The following ADGRA3 variants were observed in gnomAD, a reference collection of about 807,000 sequenced individuals.
ADGRA3 encodes G-protein coupled receptor 125.
Under a neutral mutation model 119.8 loss-of-function variants are expected in ADGRA3, and 56 were observed. That is an observed-to-expected ratio of 0.47 (90% CI 0.38 to 0.58). ADGRA3 has a LOEUF of 0.58. Ranked by LOEUF, ADGRA3 falls within the 20% of genes least tolerant of loss-of-function variation. The pLI is 0.00. For missense variants in ADGRA3, 1,516 were observed against 1,649.0 expected (o/e 0.92, Z 1.40); for synonymous variants, 607 against 623.8 (o/e 0.97, Z 0.40).
intron 2 of ADGRA3, among the ~76,000 whole-genome samples, chr4:22,470,911 GC>G (rs1197364520): frequency 6.6e-6 from 1 of 152,120 alleles, no homozygotes; most frequent in Non-Finnish European, 1.5e-5. Flanking sequence ...CCTCAGGGCG[GC>G]CCCACCTGAC....
chr4:22,459,969 G>A (rs936097604), intron 3 of ADGRA3, among the ~76,000 whole-genome samples: 5 of 152,078 alleles, frequency 3.3e-5, no homozygotes, highest in African/African-American at 1.2e-4. Flanking sequence ...TGACCGGCCT[G>A]ATCTCCCAAT....
At chr4:22,429,353 A>G (rs1030755596) in intron 10 of ADGRA3, among the ~76,000 whole-genome samples, 1 of 152,210 alleles carries the variant, frequency 6.6e-6, no homozygotes, top group Non-Finnish European at 1.5e-5. Flanking sequence ...ATCTTTGTTA[A>G]TGCATCACTG....
chr4:22,421,497 T>C (rs1159430179), intron 11 of ADGRA3, among the ~76,000 whole-genome samples: 1 of 152,130 alleles, frequency 6.6e-6, no homozygotes, highest in Non-Finnish European at 1.5e-5. Context: ...AGCTAAATAT[T>C]AGTTTGGGAA....
intron 10 of ADGRA3, among the ~76,000 whole-genome samples, chr4:22,428,351 A>AG (rs1560311954): frequency 6.6e-6 from 1 of 151,232 alleles, no homozygotes; most frequent in African/African-American, 2.4e-5. Context: ...TAAAATAAGA[A>AG]AAAAAAAAAG....
At chr4:22,415,446 TCA>T (rs1715390062) in intron 12 of ADGRA3, among the ~76,000 whole-genome samples, 3 of 152,176 alleles carry the variant, frequency 2.0e-5, no homozygotes, top group African/African-American at 7.2e-5. Context: ...CTATTCTCAC[TCA>T]CAAATATAAT....
rs1390160399 is a variant in ADGRA3 at position 22,454,925 on chromosome 4, G to A, written c.414C>T (p.Asn138=). ...LSSLKRLDLT[N]NRIGCLNADI... ...CTGCATTCAGACATCCTATTCGATT[G>A]TTTGTCAGATCCCTAAGGAGAAGGG... The change falls in exon 4 of 19, where the codon AAC becomes AAT. Residue 138 remains asparagine, a synonymous_variant. Transcript: ENST00000334304. 2 of 1,613,226 alleles carry A rather than the reference G, an allele frequency of 1.2e-6. No homozygotes were observed. Among genetic ancestry groups the A allele is most frequent in the Admixed American group, 1.7e-5 (1 of 60,006 alleles).
chr4:22,479,195 G>A (rs1281383232), intron 1 of ADGRA3, among the ~76,000 whole-genome samples: 1 of 152,166 alleles, frequency 6.6e-6, no homozygotes, highest in East Asian at 1.9e-4. Flanking sequence ...TGGGCACGGT[G>A]GCTCACGCCT....
chr4:22,492,584 T>C (rs1718665689), intron 1 of ADGRA3, among the ~76,000 whole-genome samples: 1 of 152,162 alleles, frequency 6.6e-6, no homozygotes, highest in Non-Finnish European at 1.5e-5. Context: ...ACAGAATATG[T>C]TAGCTGTTGA....
At position 22,388,681 on chromosome 4, in the gene ADGRA3, A is replaced by G. The variant is rs1713960503; in HGVS notation, c.2990T>C (p.Leu997Ser). Residue 997 changes from leucine (L) to serine (S), a missense_variant, in exon 19 of 19, where the codon TTG becomes TCG. Around this residue, in one of 2 missense-constraint regions of ADGRA3, gnomAD observed 1,088 missense variants for 1,107.1 expected, o/e 0.98. Transcript: ENST00000334304. ...TAAGAGCAAAGTAAGGCTGGCCCCC[A>G]AGAGCTGAGAATGAAAAGTGTGCTC... Reference protein sequence around the residue: ...ENEHTFHSQLLGASLTLLLYV... With the variant: ...ENEHTFHSQLSGASLTLLLYV... 1.9e-6 allele frequency: 3 copies of G among 1,614,116 alleles called. No individual in the cohort carries two copies. Among genetic ancestry groups the G allele is most frequent in the Non-Finnish European group, 2.5e-6 (3 of 1,180,014 alleles).
In ADGRA3 at chr4:22,392,630, G is replaced by T. The variant is rs1714182212; in HGVS notation, c.2542C>A (p.Arg848=). 1.9e-6 allele frequency: 3 copies of T among 1,613,678 alleles called. No homozygotes were observed. The South Asian group carries it at 3.3e-5, about 18-fold the overall frequency. ...ATVLWVGVTA[R]NIYKQVTKKA... ...TTAGTGACTTGTTTGTAGATATTTC[G>T]AGCTGTCACTCCTACCCATAGTACT... Residue 848 remains arginine, a synonymous_variant, in exon 17 of 19, where the codon CGA becomes AGA. Transcript: ENST00000334304.
chr4:22,496,983 T>C (rs1213311980), intron 1 of ADGRA3, among the ~76,000 whole-genome samples: 8 of 152,164 alleles, frequency 5.3e-5, no homozygotes, highest in Non-Finnish European at 1.5e-5. Context: ...TTCAAGAAAT[T>C]AACTGGCACC....
At position 22,389,127 on chromosome 4, in the gene ADGRA3, G is replaced by A. The variant is rs1168753717; in HGVS notation, c.2684C>T (p.Ala895Val). 1.9e-6 allele frequency: 3 copies of A among 1,613,898 alleles called. No homozygotes were observed. Among genetic ancestry groups the A allele is most frequent in the African/African-American group, 1.3e-5 (1 of 74,910 alleles). ...PIIVCGITAA[A>V]NIKNYGSRPN... ...CCGACTGCCGTAATTCTTAATGTTC[G>A]CTGCTGCAGTTATGCCGCAAACAAT... The change falls in exon 18 of 19, where the codon GCG becomes GTG. Residue 895 changes from alanine to valine, a missense_variant. By Grantham distance (64) the Ala-to-Val change is moderately conservative (BLOSUM62 0). Around this residue, in one of 2 missense-constraint regions of ADGRA3, gnomAD observed 1,088 missense variants for 1,107.1 expected, o/e 0.98. Coordinates refer to ENST00000334304, the MANE Select transcript of ADGRA3 (RefSeq NM_145290.4).
At chr4:22,447,413 AAAAG>A (rs746796307) in intron 5 of ADGRA3, 23 bp downstream of exon 5, 12 of 1,354,492 alleles carry the variant, frequency 8.9e-6, no homozygotes, top group African/African-American at 7.5e-5. Flanking sequence ...ATCAAAAAAA[AAAAG>A]AGAGAAAAAA....
intron 14 of ADGRA3, among the ~76,000 whole-genome samples, chr4:22,406,150 CT>C (rs1200693187): frequency 6.6e-6 from 1 of 152,008 alleles, no homozygotes; most frequent in African/African-American, 2.4e-5. Context: ...AGATTTCATT[CT>C]TTTTTTATGA....
intron 10 of ADGRA3, among the ~76,000 whole-genome samples, chr4:22,429,530 G>A (rs1716074718): frequency 6.6e-6 from 1 of 152,068 alleles, no homozygotes; most frequent in South Asian, 2.1e-4. Flanking sequence ...CTGTTACAAA[G>A]CTAGAAACTC....
chr4:22,465,450 T>C (rs1309205431), intron 2 of ADGRA3, among the ~76,000 whole-genome samples: 2 of 152,048 alleles, frequency 1.3e-5, no homozygotes, highest in African/African-American at 4.8e-5. Context: ...AAGATCTGAG[T>C]CTGGAGCTGC....
intron 9 of ADGRA3, 81 bp downstream of exon 9, chr4:22,436,359 A>T (rs755132284): frequency 3.3e-5 from 38 of 1,138,524 alleles, no homozygotes; most frequent in Non-Finnish European, 3.8e-5. Context: ...TAGTATTAAA[A>T]AAAAAAAAAA....
intron 10 of ADGRA3, 75 bp from the exon 11 acceptor site, chr4:22,424,427 T>C (rs1715848841): frequency 6.7e-7 from 1 of 1,499,210 alleles, no homozygotes; most frequent in Non-Finnish European, 9.1e-7. Flanking sequence ...AAAATCCTAA[T>C]GGACAGTGAG....
At chr4:22,471,091 G>A (rs1261250947) in intron 2 of ADGRA3, among the ~76,000 whole-genome samples, 1 of 152,176 alleles carries the variant, frequency 6.6e-6, no homozygotes, top group African/African-American at 2.4e-5. Flanking sequence ...AACAGTCAGT[G>A]CTGAAGGAAT....
Sources: allele counts gnomAD v4.1 joint callset (sites outside exome capture counted in the v4.1 genomes callset), GRCh38; gene constraint gnomAD v4.1.1; regional missense constraint gnomAD v4.1.1; transcripts MANE v1.5; gene names NCBI Gene and HGNC (gene_info 2026-07-23, HGNC 2026-07-21).